The following RDH12 variants were observed in gnomAD, a reference collection of about 807,000 sequenced individuals.
RDH12 encodes the protein all-trans and 9-cis retinol dehydrogenase.
A neutral mutation model predicts 34.0 loss-of-function variants in RDH12; 21 were observed. The observed-to-expected ratio is 0.62, with a 90% CI of 0.44 to 0.89. The LOEUF (loss-of-function observed/expected upper bound fraction) is 0.89, where lower values mean the gene tolerates loss of function less well. Ranked by LOEUF, RDH12 falls within the 40% of genes least tolerant of loss-of-function variation. The pLI, the probability that RDH12 is intolerant of heterozygous loss-of-function variation, is 0.00. For synonymous variants in RDH12, 198 were observed against 169.9 expected (o/e 1.17, Z -1.29); for missense variants, 394 against 398.6 (o/e 0.99, Z 0.10).
chr14:67,704,285 C>T (rs1337922946), intron 1 of RDH12, among the ~76,000 whole-genome samples: 2 of 152,176 alleles, frequency 1.3e-5, no homozygotes, highest in Non-Finnish European at 2.9e-5. Flanking sequence ...AGGAGAAAGC[C>T]TCCTAAATCA....
At position 67,722,741 on chromosome 14, in the gene RDH12, G is replaced by T. The variant is rs369148234; in HGVS notation, c.68+31G>T. 2.5e-6 allele frequency: 4 copies of T among 1,571,458 alleles called. No individual in the cohort carries two copies. The East Asian group carries it at 8.9e-5, about 35-fold the overall frequency. ...TCTTAATTCAGCAACTCAAACAATC[G>T]TTTACAAAGACCTGCACTGGAAGCC... is the stretch of plus-strand genomic sequence containing the variant. On this transcript the variant is annotated intron_variant, in intron 3 of 8. Transcript: ENST00000551171.
At chr14:67,732,644 T>C (rs899278651) in intron 8 of RDH12, among the ~76,000 whole-genome samples, 1 of 152,098 alleles carries the variant, frequency 6.6e-6, no homozygotes, top group African/African-American at 2.4e-5. Flanking sequence ...TGGCGTGATC[T>C]CCACTCACTG....
chr14:67,709,455 G>C (rs530233872), intron 1 of RDH12, among the ~76,000 whole-genome samples: 1 of 152,326 alleles, frequency 6.6e-6, no homozygotes, highest in East Asian at 1.9e-4. Context: ...TTTAGGAGTT[G>C]GTTAATGCTT....
Position 67,725,175 on chromosome 14 carries a change from G to A in RDH12, c.264G>A (p.Lys88=), listed in dbSNP as rs149522949. 1.1e-4 allele frequency: 181 copies of A among 1,614,176 alleles called. 1 individual carries two copies. In the African/African-American group the frequency reaches 2.3e-3, roughly 20 times the overall value. Reference sequence around the variant, plus strand: ...CCAGTGAAATCCGAGTGGATACAAAGAACTCCCAGGTGCTGGTGCGGAAAT... The same window carrying A: ...CCAGTGAAATCCGAGTGGATACAAAAAACTCCCAGGTGCTGGTGCGGAAAT... ...SAASEIRVDT[K]NSQVLVRKLD... The change falls in exon 5 of 9, where the codon AAG becomes AAA. Residue 88 remains lysine (K), a synonymous_variant. Coordinates refer to ENST00000551171, the MANE Select transcript of RDH12 (RefSeq NM_152443.3).
chr14:67,715,653 T>C (rs1048516016), intron 1 of RDH12, among the ~76,000 whole-genome samples: 2 of 152,242 alleles, frequency 1.3e-5, no homozygotes, highest in Non-Finnish European at 2.9e-5. Context: ...AGTTCGTTCT[T>C]TTTGTAAGTA....
chr14:67,717,162 T>C (rs532273118), intron 1 of RDH12, among the ~76,000 whole-genome samples: 1 of 152,302 alleles, frequency 6.6e-6, no homozygotes, highest in South Asian at 2.1e-4. Flanking sequence ...GATGTAAAAT[T>C]TGTATACAGT....
rs760092398 is a variant in RDH12 at position 67,725,152 on chromosome 14, A to T, written c.241A>T (p.Ser81Cys). 61 of 1,614,112 alleles carry T rather than the reference A, an allele frequency of 3.8e-5. No homozygotes were observed. The highest frequency in any genetic ancestry group is 5.0e-5 in the Non-Finnish European group (59 of 1,180,048). ...TGTACTGAAGGGGGAGTCTGCTGCC[A>T]GTGAAATCCGAGTGGATACAAAGAA... ...RDVLKGESAA[S>C]EIRVDTKNSQ... The change falls in exon 5 of 9, where the codon AGT becomes TGT. Residue 81 changes from serine (S) to cysteine (C), a missense_variant. Physicochemically the swap from Ser to Cys is moderately radical, Grantham distance 112. Coordinates refer to ENST00000551171, the MANE Select transcript of RDH12 (RefSeq NM_152443.3).
intron 1 of RDH12, 31 bp downstream of exon 1, chr14:67,701,966 A>G (rs566983596): frequency 9.2e-5 from 14 of 151,758 alleles, no homozygotes; most frequent in African/African-American, 3.1e-4. Flanking sequence ...CTAATTTTCA[A>G]AATTTTTGTA....
At chr14:67,725,288 A>T in intron 5 of RDH12, 34 bp downstream of exon 5, 1 of 1,610,696 alleles carries the variant, frequency 6.2e-7, no homozygotes, top group Non-Finnish European at 8.5e-7. Flanking sequence ...AAAAGCAGGA[A>T]ATTGGGTATG....
At chr14:67,726,942 C>T (rs371765377) in intron 6 of RDH12, 39 bp from the exon 7 acceptor site, 6 of 1,582,886 alleles carry the variant, frequency 3.8e-6, no homozygotes, top group Non-Finnish European at 5.2e-6. Context: ...CCTGGGCTGT[C>T]ATTCCACTTT....
In RDH12 at chr14:67,713,281, A is replaced by AC. The variant is rs945541068; in HGVS notation, c.-274-7567_-274-7566insC. On this transcript the variant is annotated intron_variant, in intron 1 of 8. Transcript: ENST00000551171. ...ACAAACAAACAAAAAACAAAACAAA[A>AC]AAAAACCTCATTTTCCCTATTGGAA... Among the ~76,000 whole-genome samples the AC allele has an allele frequency of 1.7e-4, 26 of 151,910 alleles. 1 individual carries two copies. Among genetic ancestry groups the AC allele is most frequent in the African/African-American group, 5.8e-4 (24 of 41,338 alleles).
At chr14:67,732,330 C>T (rs112064811) in intron 8 of RDH12, among the ~76,000 whole-genome samples, 13 of 148,470 alleles carry the variant, frequency 8.8e-5, no homozygotes, top group African/African-American at 3.0e-4. Context: ...CCCAGCTACT[C>T]GGGAGGCTAA....
intron 1 of RDH12, among the ~76,000 whole-genome samples, chr14:67,703,171 C>G (rs1270475205): frequency 6.6e-6 from 1 of 152,000 alleles, no homozygotes; most frequent in African/African-American, 2.4e-5. Flanking sequence ...TACAAACTCA[C>G]CAGTTTATAA....
chr14:67,724,959 G>A lies in RDH12; in HGVS notation c.188-140G>A, dbSNP rs367890203. The A allele has an allele frequency of 3.1e-4, 317 of 1,019,476 alleles. 1 individual carries two copies. The African/African-American group carries it at 3.4e-3, about 11-fold the overall frequency. The allele number at this position is 1,019,476 out of a possible 1,614,324, so 63.2% of individuals were successfully genotyped here. A position where few individuals can be genotyped will look rare whatever the true frequency, so the allele number is the denominator to read the frequency against. On this transcript the variant is annotated intron_variant, in intron 4 of 8. Transcript: ENST00000551171. ...TGAACAGTACTACTGTGAAAAGCCC[G>A]AAGTGGCAATATGTTCACTCTACCG...
intron 1 of RDH12, among the ~76,000 whole-genome samples, chr14:67,712,414 A>G (rs1030846976): frequency 6.6e-6 from 1 of 151,928 alleles, no homozygotes; most frequent in South Asian, 2.1e-4. Context: ...ATTCTTCCTT[A>G]AAAATCCCAG....
chr14:67,708,951 C>T (rs558952710), intron 1 of RDH12, among the ~76,000 whole-genome samples: 3 of 152,012 alleles, frequency 2.0e-5, no homozygotes, highest in Non-Finnish European at 4.4e-5. Flanking sequence ...CGCCACCACA[C>T]CCAGCTAATT....
At chr14:67,712,493 CAAAAAAAAAA>C (rs79758974) in intron 1 of RDH12, among the ~76,000 whole-genome samples, 7 of 38,950 alleles carry the variant, frequency 1.8e-4, no homozygotes, top group South Asian at 1.5e-3. Context: ...AAAAAACTTG[CAAAAAAAAAA>C]AAAAAAAAAA....
chr14:67,712,901 T>TC (rs1449200646), intron 1 of RDH12, among the ~76,000 whole-genome samples: 1 of 151,152 alleles, frequency 6.6e-6, no homozygotes, highest in Non-Finnish European at 1.5e-5. Flanking sequence ...TCCCTTCTCT[T>TC]TTTTTTTTCT....
intron 1 of RDH12, among the ~76,000 whole-genome samples, chr14:67,707,398 T>A (rs975031311): frequency 6.6e-6 from 1 of 152,176 alleles, no homozygotes; most frequent in Non-Finnish European, 1.5e-5. Context: ...TTATTATACT[T>A]GGCCTAATTA....
Sources: gnomAD v4.1 joint callset for allele counts (sites outside exome capture counted in the v4.1 genomes callset) on GRCh38, gnomAD v4.1.1 for gene constraint, MANE v1.5 for transcripts, NCBI Gene and HGNC (gene_info 2026-07-23, HGNC 2026-07-21) for gene names.